The following SREBF2 variants were observed in gnomAD, a reference collection of about 807,000 sequenced individuals.
The protein encoded by SREBF2 is sterol regulatory element binding transcription factor 2.
SREBF2 carries 55 observed loss-of-function variants against 113.1 expected under a neutral mutation model. The observed-to-expected ratio is 0.49, with a 90% CI of 0.39 to 0.61. The LOEUF is 0.61. Among genes scored for constraint, SREBF2 ranks in the 20% least tolerant of loss-of-function variants. The pLI, the probability that SREBF2 is intolerant of heterozygous loss-of-function variation, is 0.00. For missense variants in SREBF2, 1,349 were observed against 1,487.4 expected, an observed-to-expected ratio of 0.91 and a Z score of 1.53; for synonymous variants, 593 against 605.7, an observed-to-expected ratio of 0.98 and a Z score of 0.31.
intron 14 of SREBF2, 143 bp downstream of exon 14, chr22:41,897,304 A>AC: frequency 1.7e-6 from 1 of 594,168 alleles, no homozygotes. Context: ...GCTCCAGTTC[A>AC]CAGTCACCCC....
At chr22:41,836,473 C>G (rs1193018255) in intron 1 of SREBF2, among the ~76,000 whole-genome samples, 5 of 152,198 alleles carry the variant, frequency 3.3e-5, no homozygotes, top group African/African-American at 1.2e-4. Context: ...CCTTGGAGGA[C>G]AAAAAGAGTT....
At chr22:41,878,388 G>A (rs956605130) in intron 9 of SREBF2, among the ~76,000 whole-genome samples, 56 of 152,308 alleles carry the variant, frequency 3.7e-4, no homozygotes, top group African/African-American at 1.3e-3. Flanking sequence ...GGGCTGCCAA[G>A]AGTAGGAAGG....
intron 1 of SREBF2, among the ~76,000 whole-genome samples, chr22:41,839,783 T>C (rs1397232450): frequency 6.6e-6 from 1 of 152,108 alleles, no homozygotes; most frequent in African/African-American, 2.4e-5. Flanking sequence ...TGGTGGACAT[T>C]TGGGCCGTTT....
At chr22:41,845,930 T>C (rs2076873117) in intron 1 of SREBF2, among the ~76,000 whole-genome samples, 1 of 152,072 alleles carries the variant, frequency 6.6e-6, no homozygotes, top group South Asian at 2.1e-4. Flanking sequence ...ACCTAACTAG[T>C]GGAGGGGGCA....
At chr22:41,901,918 G>A (rs80230005) in intron 16 of SREBF2, among the ~76,000 whole-genome samples, 8,787 of 152,306 alleles carry the variant, frequency 0.058, 308 homozygotes, top group Non-Finnish European at 0.079. Flanking sequence ...GATGGCCCTC[G>A]GAGGGCAGAA....
Position 41,835,817 on chromosome 22 carries a change from G to C in SREBF2, c.88+2459G>C, listed in dbSNP as rs1183141389. ...AATTTATATATATATGGTAGAGCCA[G>C]TCTCACTGTGTTGCCCAGGCTAGTC... On this transcript the variant is annotated intron_variant, in intron 1 of 18. Coordinates refer to ENST00000361204, the MANE Select transcript of SREBF2 (RefSeq NM_004599.4). 2.0e-5 allele frequency among the ~76,000 whole-genome samples: 3 copies of C among 152,142 alleles called. No homozygotes were observed. In the East Asian group the frequency reaches 5.8e-4, roughly 29 times the overall value.
intron 1 of SREBF2, among the ~76,000 whole-genome samples, chr22:41,837,123 G>A (rs993380577): frequency 6.6e-6 from 1 of 152,180 alleles, no homozygotes; most frequent in Non-Finnish European, 1.5e-5. Context: ...AGGGCACTGT[G>A]AGCAAAATAA....
chr22:41,859,390 C>T (rs1021545536), intron 1 of SREBF2, among the ~76,000 whole-genome samples: 2 of 152,206 alleles, frequency 1.3e-5, no homozygotes, highest in Admixed American at 1.3e-4. Flanking sequence ...CCTGATGAAG[C>T]TGGTAGATGT....
At chr22:41,843,366 C>T (rs754290738) in intron 1 of SREBF2, among the ~76,000 whole-genome samples, 1 of 152,242 alleles carries the variant, frequency 6.6e-6, no homozygotes, top group African/African-American at 2.4e-5. Flanking sequence ...GCTCCAGGTT[C>T]AGTGCTGGCA....
intron 13 of SREBF2, among the ~76,000 whole-genome samples, chr22:41,896,363 T>G (rs528661362): frequency 6.6e-6 from 1 of 152,250 alleles, no homozygotes; most frequent in African/African-American, 2.4e-5. Flanking sequence ...TTGTTTGTTT[T>G]TTGGGGGGTT....
At chr22:41,903,447 G>A (rs1041390656) in intron 17 of SREBF2, among the ~76,000 whole-genome samples, 1 of 152,256 alleles carries the variant, frequency 6.6e-6, no homozygotes, top group African/African-American at 2.4e-5. Context: ...TGCCTCCCCA[G>A]GCACATGCTG....
chr22:41,896,668 C>G (rs748337376), intron 13 of SREBF2, among the ~76,000 whole-genome samples: 2 of 152,156 alleles, frequency 1.3e-5, no homozygotes, highest in Non-Finnish European at 2.9e-5. Flanking sequence ...CCCAAAGTCA[C>G]TTTCCTACAA....
At chr22:41,862,906 T>A (rs913832524) in intron 1 of SREBF2, among the ~76,000 whole-genome samples, 3 of 152,212 alleles carry the variant, frequency 2.0e-5, no homozygotes, top group Non-Finnish European at 4.4e-5. Context: ...ACTTTTTTAT[T>A]TTAATTTAAG....
chr22:41,853,043 C>T (rs1441638346), intron 1 of SREBF2, among the ~76,000 whole-genome samples: 2 of 152,174 alleles, frequency 1.3e-5, no homozygotes, highest in Admixed American at 6.6e-5. Context: ...AGCCACTGTG[C>T]CCGGCCAGTG....
At chr22:41,843,262 T>A (rs929349636) in intron 1 of SREBF2, among the ~76,000 whole-genome samples, 1 of 152,250 alleles carries the variant, frequency 6.6e-6, no homozygotes, top group African/African-American at 2.4e-5. Flanking sequence ...CGTAGTCACC[T>A]CTACTTTTTG....
chr22:41,882,069 T>C (rs1041886166), intron 10 of SREBF2, among the ~76,000 whole-genome samples: 1 of 152,026 alleles, frequency 6.6e-6, no homozygotes, highest in African/African-American at 2.4e-5. Flanking sequence ...AGATTCACTC[T>C]GATGGCAGAT....
At chr22:41,884,614 T>C (rs2269658) in intron 10 of SREBF2, among the ~76,000 whole-genome samples, 36,102 of 152,068 alleles carry the variant, frequency 0.24, 6,113 homozygotes, top group African/African-American at 0.48. Context: ...GCTCTGGGTG[T>C]GACAGAAATG....
chr22:41,891,968 G>T (rs1446682939), intron 11 of SREBF2, among the ~76,000 whole-genome samples: 1 of 152,238 alleles, frequency 6.6e-6, no homozygotes, highest in Non-Finnish European at 1.5e-5. Context: ...ATCCCGGCAA[G>T]TGGAGGAGGG....
chr22:41,896,268 A>G (rs1420389367), intron 13 of SREBF2, among the ~76,000 whole-genome samples: 1 of 152,198 alleles, frequency 6.6e-6, no homozygotes, highest in Non-Finnish European at 1.5e-5. Context: ...TCTCTCTGAC[A>G]TACTTACTGA....
Sources: allele counts gnomAD v4.1 joint callset (sites outside exome capture counted in the v4.1 genomes callset), GRCh38; gene constraint gnomAD v4.1.1; transcripts MANE v1.5; gene names NCBI Gene and HGNC (gene_info 2026-07-23, HGNC 2026-07-21).